IGFN1: variants seen among roughly 807,000 people sequenced by gnomAD.
IGFN1 encodes the protein immunoglobulin-like and fibronectin type III domain-containing protein 1.
A neutral mutation model predicts 289.5 loss-of-function variants in IGFN1; 253 were observed. The ratio of observed to expected loss-of-function variants is 0.87; its 90% CI spans 0.79 to 0.97. The LOEUF is 0.97. IGFN1 is among the 50% of genes least tolerant of loss of function. IGFN1 has a pLI of 0.00. For missense variants in IGFN1, 4,470 were observed against 4,686.1 expected (o/e 0.95, Z 1.35); for synonymous variants, 1,706 against 1,788.5 (o/e 0.95, Z 1.16).
intron 6 of IGFN1, 38 bp downstream of exon 6, chr1:201,199,416 G>A (rs767883499): frequency 1.3e-6 from 2 of 1,541,800 alleles, no homozygotes; most frequent in Non-Finnish European, 1.8e-6. Flanking sequence ...GGGGGCCTGT[G>A]GGGGATAGGC....
At position 201,193,278 on chromosome 1, in the gene IGFN1, A is replaced by C; in HGVS notation, c.-16A>C. On this transcript the variant is annotated 5_prime_UTR_variant, in exon 2 of 24. Transcript: ENST00000335211. ...AGAACTTCTACCCTCAGAGGAGTCA[A>C]AGAGGAGGCAGAACTATGGCAGGTA... 6.5e-7 allele frequency: 1 copy of C among 1,536,656 alleles called. No individual in the cohort carries two copies. The highest frequency in any genetic ancestry group is 8.8e-7 in the Non-Finnish European group (1 of 1,132,930).
rs77327584 is a variant in IGFN1, at chr1:201,213,524, C to T, written c.8631C>T (p.Asp2877=). ...GHLGSRRSGK[D]GRLDIYGERR... is the part of the protein sequence containing the mutation. ...TTGGTAGCAGGAGAAGTGGCAAAGA[C>T]GGCAGGTTGGACATCTATGGAGAGA... The change falls in exon 12 of 24, where the codon GAC becomes GAT. Residue 2877 remains aspartate (D), a synonymous_variant. Transcript: ENST00000335211. 2,979 of 1,614,002 alleles carry T rather than the reference C, an allele frequency of 1.8e-3. 54 individuals are homozygous for T. The East Asian group carries it at 0.034, about 18-fold the overall frequency.
At chr1:201,221,099 A>G (rs1318793072) in intron 18 of IGFN1, among the ~76,000 whole-genome samples, 1 of 152,258 alleles carries the variant, frequency 6.6e-6, no homozygotes, top group African/African-American at 2.4e-5. Context: ...AAGTCTAGTC[A>G]TACGGGATAA....
In IGFN1 at chr1:201,197,276, A is replaced by C; in HGVS notation, c.326A>C (p.Tyr109Ser). The change falls in exon 5 of 24, where the codon TAC becomes TCC. Residue 109 changes from tyrosine (Y) to serine (S), a missense_variant. Tyr to Ser is a moderately radical substitution (Grantham distance 144, BLOSUM62 -2). Around this residue, in one of 8 missense-constraint regions of IGFN1, gnomAD observed 2,011 missense variants for 1,953.4 expected, o/e 1.03. Coordinates refer to ENST00000335211, the MANE Select transcript of IGFN1 (RefSeq NM_001164586.2). ...DLYRCTAVNAYGEAACSVRLT... is the reference protein window; with the variant it reads ...DLYRCTAVNASGEAACSVRLT... ...TACCGCTGCACAGCAGTAAATGCGT[A>C]CGGAGAGGCCGCTTGCTCAGTGAGA... 1 of 1,551,596 alleles carries C rather than the reference A, an allele frequency of 6.4e-7. No homozygotes were observed. Among genetic ancestry groups the C allele is most frequent in the Non-Finnish European group, 8.7e-7 (1 of 1,146,896 alleles).
In IGFN1 at chr1:201,197,298, G is replaced by A; in HGVS notation, c.348G>A (p.Val116=). 2 of 1,550,688 alleles carry A rather than the reference G, an allele frequency of 1.3e-6. No homozygotes were observed. The highest frequency in any genetic ancestry group is 2.4e-5 in the South Asian group (2 of 84,026). The change falls in exon 5 of 24, where the codon GTG becomes GTA. Residue 116 remains valine, a synonymous_variant. Coordinates refer to ENST00000335211, the MANE Select transcript of IGFN1 (RefSeq NM_001164586.2). ...CGTACGGAGAGGCCGCTTGCTCAGTGAGACTCACTGTCATCGAAGGTGGGC... is the reference window on the plus strand; with the variant it reads ...CGTACGGAGAGGCCGCTTGCTCAGTAAGACTCACTGTCATCGAAGGTGGGC... ...VNAYGEAACS[V]RLTVIEVGFR... is the part of the protein sequence containing the mutation.
Position 201,198,110 on chromosome 1 carries a change from A to G in IGFN1, c.367+793A>G, listed in dbSNP as rs148813342. Reference sequence around the variant, plus strand: ...GGTAGGAAGGTGGAAGAGGTGGCCCAGGTCCATCTGCCTCTCTTATTTTTA... The same window carrying G: ...GGTAGGAAGGTGGAAGAGGTGGCCCGGGTCCATCTGCCTCTCTTATTTTTA... On this transcript the variant is annotated intron_variant, in intron 5 of 23. Coordinates refer to ENST00000335211, the MANE Select transcript of IGFN1 (RefSeq NM_001164586.2). Among the ~76,000 whole-genome samples, 4 of 152,292 alleles carry G rather than the reference A, an allele frequency of 2.6e-5. No individual in the cohort carries two copies. The East Asian group carries it at 7.7e-4, about 29-fold the overall frequency.
At position 201,208,000 on chromosome 1, in the gene IGFN1, T is replaced by C. The variant is rs1667513839; in HGVS notation, c.3107T>C (p.Val1036Ala). ...CCTGCAGGAGGAGGGTCTGGGAGAG[T>C]TGCCAGTCTTAAAAATGGCTCAGGT... ...SGPAGGGSGR[V>A]ASLKNGSGGP... Residue 1036 changes from valine to alanine, a missense_variant, in exon 12 of 24, where the codon GTT becomes GCT. By Grantham distance (64) the Val-to-Ala change is moderately conservative. Coordinates refer to ENST00000335211, the MANE Select transcript of IGFN1 (RefSeq NM_001164586.2). 2 of 1,535,478 alleles carry C rather than the reference T, an allele frequency of 1.3e-6. No individual in the cohort carries two copies. The highest frequency in any genetic ancestry group is 1.7e-6 in the Non-Finnish European group (2 of 1,146,482).
Position 201,206,251 on chromosome 1 carries a change from G to A in IGFN1, c.1358G>A (p.Gly453Glu). 6.5e-7 allele frequency: 1 copy of A among 1,547,322 alleles called. No individual in the cohort carries two copies. The highest frequency in any genetic ancestry group is 8.7e-7 in the Non-Finnish European group (1 of 1,145,490). Residue 453 changes from glycine to glutamate, a missense_variant, in exon 12 of 24, where the codon GGG becomes GAG. Gly to Glu is a moderately conservative substitution (Grantham distance 98). Coordinates refer to ENST00000335211, the MANE Select transcript of IGFN1 (RefSeq NM_001164586.2). ...CTTGAAGGGGCTGGGCCGGCTTCTG[G>A]GCTCCAGCACATAGCCAGCCCAGAC... ...GSLEGAGPASGLQHIASPDRD... is the reference protein window; with the variant it reads ...GSLEGAGPASELQHIASPDRD...
At chr1:201,194,345 G>GTCCCCAGGAAGGTTGGT in intron 3 of IGFN1, 72 bp downstream of exon 3, 1 of 1,515,188 alleles carries the variant, frequency 6.6e-7, no homozygotes, top group Non-Finnish European at 8.9e-7. Context: ...AGAGGGCTGG[G>GTCCCCAGGAAGGTTGGT]GCACCAACCT....
At position 201,228,390 on chromosome 1, in the gene IGFN1, C is replaced by G; in HGVS notation, c.11118C>G (p.Pro3706=). The change falls in exon 24 of 24, where the codon CCC becomes CCG. Residue 3706 remains proline (P), a synonymous_variant. Coordinates refer to ENST00000335211, the MANE Select transcript of IGFN1 (RefSeq NM_001164586.2). ...GGAATATCCTGTGTCTTGCAGAACC[C>G]AGCACCTAGCCTCACCTCACCCTGG... ...VSTATLIVIE[P]ST is the part of the protein sequence containing the mutation. 1 of 1,614,056 alleles carries G rather than the reference C, an allele frequency of 6.2e-7. No individual in the cohort carries two copies. The highest frequency in any genetic ancestry group is 8.5e-7 in the Non-Finnish European group (1 of 1,179,946).
chr1:201,208,063 G>A lies in IGFN1; in HGVS notation c.3170G>A (p.Trp1057Ter). Residue 1057 changes from tryptophan (W) to a stop codon, truncating the protein, a stop_gained, in exon 12 of 24, where the codon TGG (tryptophan) becomes TAG (stop). Transcript: ENST00000335211. LOFTEE classifies it high-confidence loss of function. ...DGAPMNDTRNWASACQAGMDP... is the reference protein window; with the variant it reads ...DGAPMNDTRN ...GCACCCATGAATGACACCAGGAATT[G>A]GGCCTCTGCATGCCAGGCAGGCATG... 2 of 1,536,998 alleles carry A rather than the reference G, an allele frequency of 1.3e-6. No individual in the cohort carries two copies. Among genetic ancestry groups the A allele is most frequent in the Non-Finnish European group, 1.7e-6 (2 of 1,146,868 alleles).
In IGFN1 at chr1:201,216,687, C is replaced by G; in HGVS notation, c.9529C>G (p.Arg3177Gly). 1 of 1,613,772 alleles carries G rather than the reference C, an allele frequency of 6.2e-7. No individual in the cohort carries two copies. The highest frequency in any genetic ancestry group is 1.1e-5 in the South Asian group (1 of 91,052). The change falls in exon 16 of 24, where the codon CGG becomes GGG. Residue 3177 changes from arginine (R) to glycine (G), a missense_variant. By Grantham distance (125) the Arg-to-Gly change is moderately radical (BLOSUM62 -2). Around this residue, in one of 8 missense-constraint regions of IGFN1, gnomAD observed 2,218 missense variants for 2,114.1 expected, o/e 1.05. Transcript: ENST00000335211. ...EPGRKYTFRV[R>G]AVTSEGAGEA... ...AGGCAGGAAGTATACCTTCCGAGTG[C>G]GGGCTGTGACCTCAGAGGGGGCTGG...
chr1:201,208,863 TA>T lies in IGFN1; in HGVS notation c.3971del (p.Tyr1324LeufsTer5). The T allele has an allele frequency of 6.5e-7, 1 of 1,535,538 alleles. No homozygotes were observed. Among genetic ancestry groups the T allele is most frequent in the South Asian group, 1.2e-5 (1 of 83,998 alleles). On this transcript the variant is annotated frameshift_variant, in exon 12 of 24. Coordinates refer to ENST00000335211, the MANE Select transcript of IGFN1 (RefSeq NM_001164586.2). LOFTEE classifies it high-confidence loss of function. ...AATGGGGTCAATGGATGAAGCAGGTTATAGGAAAGATTTAGGGGCTCCTGAG... is the reference window on the plus strand; with the variant it reads ...AATGGGGTCAATGGATGAAGCAGGTTTAGGAAAGATTTAGGGGCTCCTGAG... Reference protein sequence around the residue: ...GAMGSMDEAGYRKDLGAPEGI... With the variant: ...GAMGSMDEAGXRKDLGAPEGI...
Position 201,221,502 on chromosome 1 carries a change from T to G in IGFN1, c.9957T>G (p.Thr3319=). 4 of 1,613,514 alleles carry G rather than the reference T, an allele frequency of 2.5e-6. No homozygotes were observed. Among genetic ancestry groups the G allele is most frequent in the Non-Finnish European group, 3.4e-6 (4 of 1,179,734 alleles). ...QVTDRSNTSI[T]LSWAGPDTQE... ...CAGACAGATCGAACACCAGCATCAC[T>G]CTGAGCTGGGCTGGGCCAGACACCC... The change falls in exon 19 of 24, where the codon ACT becomes ACG. Residue 3319 remains threonine, a synonymous_variant. Transcript: ENST00000335211.
Position 201,209,408 on chromosome 1 carries a change from G to T in IGFN1, c.4515G>T (p.Gly1505=). The T allele has an allele frequency of 6.6e-7, 1 of 1,525,864 alleles. No homozygotes were observed. 94.5% of individuals were successfully genotyped at this position (1,525,864 alleles called of 1,614,324 possible). ...AAGATTTGGGGGTTTCTGAGGGAGG[G>T]GGTTCAGGGAGCAAAGCAGGTTATA... ...YRKDLGVSEG[G]GSGSKAGYRG... Residue 1505 remains glycine, a synonymous_variant, in exon 12 of 24, where the codon GGG becomes GGT. Transcript: ENST00000335211.
At chr1:201,214,134 C>A in intron 12 of IGFN1, 43 bp from the exon 13 acceptor site, 1 of 1,556,168 alleles carries the variant, frequency 6.4e-7, no homozygotes, top group South Asian at 1.2e-5. Context: ...CAGGCCATGG[C>A]CTGGGGCGCT....
Position 201,207,095 on chromosome 1 carries a change from T to G in IGFN1, c.2202T>G (p.Gly734=). The G allele has an allele frequency of 6.5e-7, 1 of 1,536,734 alleles. No individual in the cohort carries two copies. The highest frequency in any genetic ancestry group is 1.4e-5 in the African/African-American group (1 of 73,014). The change falls in exon 12 of 24, where the codon GGT becomes GGG. Residue 734 remains glycine (G), a synonymous_variant. Transcript: ENST00000335211. ...ACTTCCAGGAACCATCAATATCAGG[T>G]GGTAGAAAATTCCTTCTGGGAGATG... ...GKDFQEPSIS[G]GRKFLLGDGS... is the part of the protein sequence containing the mutation.
chr1:201,221,613 G>T lies in IGFN1; in HGVS notation c.10068G>T (p.Val3356=). ...GGCTCCCGTGCCATGTGGGCACCGT[G>T]CCAGTCACCACCTACACGGCCAAGG... The part of the protein sequence containing the change: ...LQWLPCHVGT[V]PVTTYTAKGL... Residue 3356 remains valine, a synonymous_variant, in exon 19 of 24, where the codon GTG becomes GTT. Coordinates refer to ENST00000335211, the MANE Select transcript of IGFN1 (RefSeq NM_001164586.2). 1 of 1,614,204 alleles carries T rather than the reference G, an allele frequency of 6.2e-7. No individual in the cohort carries two copies. The highest frequency in any genetic ancestry group is 8.5e-7 in the Non-Finnish European group (1 of 1,180,030).
chr1:201,194,008 GT>G, intron 2 of IGFN1, 145 bp from the exon 3 acceptor site: 1 of 813,420 alleles, frequency 1.2e-6, no homozygotes, highest in Admixed American at 2.8e-5. Context: ...CAGGCAGGAG[GT>G]ACTACAAATA....
Sources: allele counts gnomAD v4.1 joint callset (sites outside exome capture counted in the v4.1 genomes callset), GRCh38; gene constraint gnomAD v4.1.1; regional missense constraint gnomAD v4.1.1; transcripts MANE v1.5; gene names NCBI Gene and HGNC (gene_info 2026-07-23, HGNC 2026-07-21).